FHIP1A: variants seen among roughly 807,000 people sequenced by gnomAD.
FHIP1A encodes FHF complex subunit HOOK interacting protein 1A, also known as FHF complex subunit HOOK-interacting protein 1A.
FHIP1A carries 61 observed loss-of-function variants against 88.6 expected under a neutral mutation model. The ratio of observed to expected loss-of-function variants is 0.69; its 90% CI spans 0.56 to 0.85. The LOEUF (loss-of-function observed/expected upper bound fraction) is 0.85. FHIP1A is among the 40% of genes least tolerant of loss of function. The probability of loss-of-function intolerance (pLI) is 0.00; values close to 1 mark genes in which losing one functional copy is unlikely to be tolerated. For missense variants in FHIP1A, 1,154 were observed against 1,273.5 expected, an observed-to-expected ratio of 0.91 and a Z score of 1.43; for synonymous variants, 478 against 496.0, an observed-to-expected ratio of 0.96 and a Z score of 0.48.
chr4:151,538,639 G>A (rs1260149334), intron 3 of FHIP1A, among the ~76,000 whole-genome samples: 1 of 152,178 alleles, frequency 6.6e-6, no homozygotes, highest in Non-Finnish European at 1.5e-5. Flanking sequence ...TTCTGCAAAA[G>A]CGCATACCTC....
At chr4:151,514,207 G>T (rs545266651) in intron 3 of FHIP1A, among the ~76,000 whole-genome samples, 1 of 152,038 alleles carries the variant, frequency 6.6e-6, no homozygotes, top group Non-Finnish European at 1.5e-5. Flanking sequence ...ATGACTACTG[G>T]GTACATAACG....
At chr4:151,602,550 G>A (rs1021357693) in intron 7 of FHIP1A, among the ~76,000 whole-genome samples, 3 of 152,154 alleles carry the variant, frequency 2.0e-5, no homozygotes, top group African/African-American at 7.2e-5. Flanking sequence ...GCCGAACCTT[G>A]AAGGTGAGCA....
intron 9 of FHIP1A, among the ~76,000 whole-genome samples, chr4:151,645,345 C>T (rs1030239741): frequency 6.6e-6 from 1 of 152,104 alleles, no homozygotes; most frequent in African/African-American, 2.4e-5. Context: ...TCAAGTACCA[C>T]ACAGAGAATG....
chr4:151,665,752 A>C lies in FHIP1A; in HGVS notation c.*2998A>C, dbSNP rs1201831107. ...AATGAAGTAGAATATTCTGGTCCTA[A>C]AGTAAATCGGCAAGCCCTTAGAAAT... On this transcript the variant is annotated 3_prime_UTR_variant, in exon 14 of 14. Coordinates refer to ENST00000435205, the MANE Select transcript of FHIP1A (RefSeq NM_001109977.3). 6.6e-6 allele frequency among the ~76,000 whole-genome samples: 1 copy of C among 152,224 alleles called. No individual in the cohort carries two copies.
intron 6 of FHIP1A, 47 bp downstream of exon 6, chr4:151,586,846 G>GCA (rs10683925): frequency 0.32 from 430,157 of 1,355,550 alleles, 71,452 homozygotes; most frequent in Non-Finnish European, 0.33. Context: ...TTCATTCAGA[G>GCA]CACAAGCACT....
At chr4:151,516,118 A>G (rs1297256755) in intron 3 of FHIP1A, among the ~76,000 whole-genome samples, 3 of 152,232 alleles carry the variant, frequency 2.0e-5, no homozygotes, top group Admixed American at 1.3e-4. Flanking sequence ...GATCAATGGA[A>G]GAGAACAGAG....
intron 2 of FHIP1A, among the ~76,000 whole-genome samples, chr4:151,465,250 A>C (rs1355795445): frequency 6.6e-6 from 1 of 152,172 alleles, no homozygotes; most frequent in Non-Finnish European, 1.5e-5. Context: ...AAACACCTCT[A>C]CGCAAATAAA....
chr4:151,651,459 C>T (rs557609785), intron 11 of FHIP1A, among the ~76,000 whole-genome samples: 2 of 152,116 alleles, frequency 1.3e-5, no homozygotes, highest in Non-Finnish European at 1.5e-5. Context: ...AGGAGAGGGG[C>T]TGGAAGATAG....
At chr4:151,473,388 A>G (rs1258780960) in intron 2 of FHIP1A, among the ~76,000 whole-genome samples, 1 of 151,966 alleles carries the variant, frequency 6.6e-6, no homozygotes, top group Admixed American at 6.6e-5. Flanking sequence ...ACTCTAAGGC[A>G]TTTCTGAACT....
chr4:151,569,420 C>G (rs547519181), intron 4 of FHIP1A, among the ~76,000 whole-genome samples: 1 of 151,824 alleles, frequency 6.6e-6, no homozygotes. Flanking sequence ...GGCATGGTGG[C>G]GGGTGCCTGT....
At chr4:151,498,225 A>AT (rs1395615852) in intron 3 of FHIP1A, among the ~76,000 whole-genome samples, 4 of 152,224 alleles carry the variant, frequency 2.6e-5, no homozygotes, top group African/African-American at 9.6e-5. Flanking sequence ...TTCTTTAAGA[A>AT]TGTCATTAGT....
intron 3 of FHIP1A, among the ~76,000 whole-genome samples, chr4:151,527,059 G>T (rs1580670170): frequency 6.8e-6 from 1 of 148,078 alleles, no homozygotes; most frequent in African/African-American, 2.5e-5. Context: ...CAGGCAGAGG[G>T]GCTCCTCACA....
At position 151,533,415 on chromosome 4, in the gene FHIP1A, A is replaced by AAAACAAACAAAC. The variant is rs10650173; in HGVS notation, c.-122-32707_-122-32696dup. Among the ~76,000 whole-genome samples, 36 of 150,876 alleles carry AAAACAAACAAAC rather than the reference A, an allele frequency of 2.4e-4. 1 individual carries two copies. The highest frequency in any genetic ancestry group is 8.3e-4 in the African/African-American group (34 of 40,860). ...AGGAAACAGATCGAGGCCCTGTCTCAAAACAAACAAACAAACAAACAAACA... is the reference window on the plus strand; with the variant it reads ...AGGAAACAGATCGAGGCCCTGTCTCAAAACAAACAAACAAACAAACAAACAAACAAACAAACA... On this transcript the variant is annotated intron_variant, in intron 3 of 13. Transcript: ENST00000435205.
intron 2 of FHIP1A, among the ~76,000 whole-genome samples, chr4:151,463,736 AC>A (rs984233365): frequency 6.6e-6 from 1 of 152,228 alleles, no homozygotes; most frequent in African/African-American, 2.4e-5. Flanking sequence ...TGATGACAAT[AC>A]CGAGCATGTG....
intron 7 of FHIP1A, among the ~76,000 whole-genome samples, chr4:151,592,421 A>G (rs1206597674): frequency 2.0e-5 from 3 of 152,152 alleles, no homozygotes; most frequent in African/African-American, 7.2e-5. Context: ...GGCGTGAGCC[A>G]CCGCGCCCGG....
At chr4:151,566,595 T>G (rs1733398064) in intron 4 of FHIP1A, among the ~76,000 whole-genome samples, 1 of 152,194 alleles carries the variant, frequency 6.6e-6, no homozygotes, top group Non-Finnish European at 1.5e-5. Flanking sequence ...TGCATGTTAC[T>G]TGGATATTTT....
chr4:151,598,302 T>C (rs1404673580), intron 7 of FHIP1A, among the ~76,000 whole-genome samples: 1 of 152,156 alleles, frequency 6.6e-6, no homozygotes, highest in Non-Finnish European at 1.5e-5. Flanking sequence ...CCCCGACTCC[T>C]CGAGCTTCCC....
chr4:151,472,488 G>A (rs1459384126), intron 2 of FHIP1A, among the ~76,000 whole-genome samples: 2 of 151,992 alleles, frequency 1.3e-5, no homozygotes, highest in Non-Finnish European at 2.9e-5. Context: ...AGCCACCTGT[G>A]GGGATAAAAA....
chr4:151,581,978 C>T (rs1332680030), intron 5 of FHIP1A, among the ~76,000 whole-genome samples: 1 of 151,936 alleles, frequency 6.6e-6, no homozygotes, highest in Non-Finnish European at 1.5e-5. Context: ...AATTTGGTGC[C>T]AACAAAAGGA....
Sources: gnomAD v4.1 joint callset for allele counts (sites outside exome capture counted in the v4.1 genomes callset) on GRCh38, gnomAD v4.1.1 for gene constraint, MANE v1.5 for transcripts, NCBI Gene and HGNC (gene_info 2026-07-23, HGNC 2026-07-21) for gene names.